SUGCT: variants seen among roughly 807,000 people sequenced by gnomAD.
SUGCT encodes the protein succinyl-CoA:glutarate CoA-transferase.
In SUGCT, 41 loss-of-function variants were observed where a neutral mutation model predicts 55.0. That is an observed-to-expected ratio of 0.74 (90% CI 0.58 to 0.97). The LOEUF (loss-of-function observed/expected upper bound fraction) is 0.97. Ranked by LOEUF, SUGCT falls within the 50% of genes least tolerant of loss-of-function variation. The probability of loss-of-function intolerance (pLI) is 0.00; values close to 1 mark genes in which losing one functional copy is unlikely to be tolerated. For missense variants in SUGCT, 568 were observed against 547.8 expected (o/e 1.04, Z -0.37); for synonymous variants, 187 against 200.4 (o/e 0.93, Z 0.56).
chr7:41,006,447 C>CTT, the SUGCT span, among the ~76,000 whole-genome samples: 2 of 151,820 alleles, frequency 1.3e-5, no homozygotes, highest in African/African-American at 4.8e-5. Context: ...ATACCTTGCC[C>CTT]TTTTTTTTAT....
intron 11 of SUGCT, among the ~76,000 whole-genome samples, chr7:40,486,832 C>T (rs1454228754): frequency 6.6e-6 from 1 of 150,596 alleles, no homozygotes; most frequent in Non-Finnish European, 1.5e-5. Context: ...CTAAAGCGCT[C>T]CTCCTGCCCC....
intron 11 of SUGCT, among the ~76,000 whole-genome samples, chr7:40,483,734 C>A (rs2151492786): frequency 6.6e-6 from 1 of 151,200 alleles, no homozygotes; most frequent in African/African-American, 2.4e-5. Context: ...CAACCCTCAA[C>A]ATCTGATGAC....
At chr7:40,563,866 A>T (rs190780258) in intron 12 of SUGCT, among the ~76,000 whole-genome samples, 2 of 152,206 alleles carry the variant, frequency 1.3e-5, no homozygotes, top group African/African-American at 4.8e-5. Context: ...ATGATCTGAA[A>T]GGCCTACTTG....
intron 8 of SUGCT, among the ~76,000 whole-genome samples, chr7:40,309,122 T>G (rs1034540884): frequency 2.0e-5 from 3 of 152,242 alleles, no homozygotes; most frequent in African/African-American, 7.2e-5. Context: ...GCACTCTCTG[T>G]GATTCTGTTG....
At chr7:40,214,689 G>A (rs1214187210) in intron 6 of SUGCT, among the ~76,000 whole-genome samples, 1 of 152,084 alleles carries the variant, frequency 6.6e-6, no homozygotes, top group African/African-American at 2.4e-5. Context: ...GCTTGGGGGT[G>A]GGGGTCATGA....
At chr7:40,596,665 TGGTA>T (rs1798022972) in intron 12 of SUGCT, among the ~76,000 whole-genome samples, 2 of 152,154 alleles carry the variant, frequency 1.3e-5, no homozygotes, top group Admixed American at 6.6e-5. Context: ...ACTGGGGGTC[TGGTA>T]GATGTGGATG....
chr7:40,946,217 A>T, the SUGCT span, among the ~76,000 whole-genome samples: 1 of 151,494 alleles, frequency 6.6e-6, no homozygotes, highest in African/African-American at 2.4e-5. Context: ...CTTGCTTTAT[A>T]CTACCTAGGG....
intron 13 of SUGCT, among the ~76,000 whole-genome samples, chr7:40,761,231 G>A (rs145303233): frequency 6.6e-6 from 1 of 152,304 alleles, no homozygotes; most frequent in East Asian, 1.9e-4. Flanking sequence ...ATGGACGTGA[G>A]GCTAAACTGG....
At chr7:40,321,057 T>C (rs979852928) in intron 9 of SUGCT, among the ~76,000 whole-genome samples, 1 of 148,062 alleles carries the variant, frequency 6.8e-6, no homozygotes, top group Non-Finnish European at 1.5e-5. Context: ...TCTTTTTCTT[T>C]TCTTTTTTCT....
At chr7:40,884,699 A>G in the SUGCT span, among the ~76,000 whole-genome samples, 2 of 152,232 alleles carry the variant, frequency 1.3e-5, no homozygotes, top group Non-Finnish European at 2.9e-5. Context: ...TGGTAGAAAC[A>G]GGCAAGGGAG....
At chr7:40,222,986 T>TTTCCTTCCTTCCTTCCTTCC in intron 6 of SUGCT, among the ~76,000 whole-genome samples, 1 of 94,000 alleles carries the variant, frequency 1.1e-5, no homozygotes, top group Non-Finnish European at 2.2e-5. Context: ...TTTTCATTTC[T>TTTCCTTCCTTCCTTCCTTCC]TTCCTTCCTT....
the SUGCT span, among the ~76,000 whole-genome samples, chr7:40,867,612 G>A: frequency 6.6e-6 from 1 of 152,074 alleles, no homozygotes; most frequent in East Asian, 1.9e-4. Context: ...AACAAAAAAA[G>A]TAGTCCCACA....
chr7:40,912,444 A>G, the SUGCT span, among the ~76,000 whole-genome samples: 2 of 152,204 alleles, frequency 1.3e-5, no homozygotes, highest in African/African-American at 4.8e-5. Flanking sequence ...ACATTGTTCC[A>G]TGGGAAAACT....
At chr7:40,944,211 T>C in the SUGCT span, among the ~76,000 whole-genome samples, 1 of 152,080 alleles carries the variant, frequency 6.6e-6, no homozygotes, top group Non-Finnish European at 1.5e-5. Flanking sequence ...TTGTGAAAAT[T>C]TTCTCCCATT....
At chr7:40,995,494 GC>G in the SUGCT span, among the ~76,000 whole-genome samples, 1 of 151,624 alleles carries the variant, frequency 6.6e-6, no homozygotes, top group African/African-American at 2.4e-5. Flanking sequence ...ACTTAGCATG[GC>G]CCGAAAATGA....
chr7:40,233,474 C>A (rs1446758678), intron 6 of SUGCT, among the ~76,000 whole-genome samples: 1 of 152,130 alleles, frequency 6.6e-6, no homozygotes, highest in African/African-American at 2.4e-5. Context: ...CCACCCCGGC[C>A]TCCCAAAGTG....
chr7:40,919,193 C>T, the SUGCT span, among the ~76,000 whole-genome samples: 3 of 152,322 alleles, frequency 2.0e-5, no homozygotes, highest in African/African-American at 7.2e-5. Context: ...GCCCTGACCT[C>T]TCCTCAGGCT....
the SUGCT span, among the ~76,000 whole-genome samples, chr7:41,001,455 T>C: frequency 6.6e-6 from 1 of 151,928 alleles, no homozygotes; most frequent in East Asian, 1.9e-4. Flanking sequence ...CTAAGAAAAA[T>C]GGGGACTGAG....
At chr7:40,896,498 T>C in the SUGCT span, among the ~76,000 whole-genome samples, 112,198 of 151,908 alleles carry the variant, frequency 0.74, 41,724 homozygotes, top group African/African-American at 0.81. Flanking sequence ...AGATAATTGA[T>C]TCATGGGGGC....
Sources: allele counts gnomAD v4.1 joint callset (sites outside exome capture counted in the v4.1 genomes callset), GRCh38; gene constraint gnomAD v4.1.1; transcripts MANE v1.5; gene names NCBI Gene and HGNC (gene_info 2026-07-23, HGNC 2026-07-21).